Variants in CIITA observed in about 807,000 individuals in gnomAD.
CIITA encodes the protein class II major histocompatibility complex transactivator.
CIITA carries 72 observed loss-of-function variants against 115.1 expected under a neutral mutation model. The observed-to-expected ratio is 0.63, with a 90% CI of 0.52 to 0.76. The LOEUF is 0.76. Ranked by LOEUF, CIITA falls within the 30% of genes least tolerant of loss-of-function variation. The probability of loss-of-function intolerance (pLI) is 0.00; values close to 1 mark genes in which losing one functional copy is unlikely to be tolerated. For synonymous variants in CIITA, 763 were observed against 635.6 expected (o/e 1.20, Z -3.02); for missense variants, 1,617 against 1,463.8 (o/e 1.10, Z -1.71).
In CIITA at chr16:10,941,744, C is replaced by T; in HGVS notation, n.870C>T. On this transcript the variant is annotated non_coding_transcript_exon_variant, in exon 2 of 2. Coordinates refer to the CIITA transcript ENST00000573379. This position sits in a 1 kb window ranked among gnomAD's most constrained non-coding sequence, Gnocchi z 6.4. ...TACTCCAAGTACGCATCAAAGACGT[C>T]GAGCTCCGAGTCAGCATCGTAAAGG... The T allele has an allele frequency of 1.2e-6, 2 of 1,611,532 alleles. No individual in the cohort carries two copies. Among genetic ancestry groups the T allele is most frequent in the South Asian group, 2.2e-5 (2 of 90,790 alleles).
At chr16:10,877,063 T>G (rs549806205), upstream of CIITA, 22 of 587,406 alleles carry the variant, frequency 3.7e-5, no homozygotes, top group Middle Eastern at 4.6e-4. Context: ...CTTAAGGGAG[T>G]GTGGTAAAAT....
chr16:10,866,352 C>G (rs1224387888), intron 1 of CIITA: 5 of 568,742 alleles, frequency 8.8e-6, no homozygotes, highest in East Asian at 3.8e-5. Context: ...ATCAGCCCAG[C>G]CTGGTGCAGG....
intron 1 of CIITA, among the ~76,000 whole-genome samples, chr16:10,890,079 T>G (rs1050989046): frequency 6.6e-6 from 1 of 152,092 alleles, no homozygotes; most frequent in Non-Finnish European, 1.5e-5. Flanking sequence ...AGGAAGTGCT[T>G]AAGGTGCAGG....
Position 10,924,124 on chromosome 16 carries a change from C to G in CIITA, c.*269C>G, listed in dbSNP as rs45564631. 1.3e-5 allele frequency: 2 copies of G among 152,432 alleles called. No homozygotes were observed. Among genetic ancestry groups the G allele is most frequent in the Non-Finnish European group, 2.9e-5 (2 of 68,190 alleles). The allele number at this position is 152,432 out of a possible 1,614,324, so 9.4% of individuals were successfully genotyped here. A position where few individuals can be genotyped will look rare whatever the true frequency, so the allele number is the denominator to read the frequency against. On this transcript the variant is annotated 3_prime_UTR_variant, in exon 20 of 20. Coordinates refer to ENST00000324288, the MANE Select transcript of CIITA (RefSeq NM_000246.4). ...GTGGCAGCTGCGGTCCACCCAGGAG[C>G]CCCGAGGCCTTCTCTGAAGGACATT...
chr16:10,924,618 C>G lies in CIITA; in HGVS notation c.*763C>G, dbSNP rs747134349. 1.3e-5 allele frequency: 2 copies of G among 152,230 alleles called. No homozygotes were observed. Among genetic ancestry groups the G allele is most frequent in the Non-Finnish European group, 2.9e-5 (2 of 68,054 alleles). The allele number at this position is 152,230 out of a possible 1,614,324, so 9.4% of individuals were successfully genotyped here. On this transcript the variant is annotated 3_prime_UTR_variant, in exon 20 of 20. Coordinates refer to ENST00000324288, the MANE Select transcript of CIITA (RefSeq NM_000246.4). ...CACTCAGAAGACACTGATGGGCAAC[C>G]CCCAGCCTGCTAATTCCCCAGATTG...
intron 7 of CIITA, 114 bp downstream of exon 7, chr16:10,902,298 C>T: frequency 7.1e-7 from 1 of 1,417,990 alleles, no homozygotes; most frequent in Admixed American, 1.9e-5. Context: ...CCAACCCTAT[C>T]AGTGTCACTC....
chr16:10,915,081 C>G (rs1009075553), intron 13 of CIITA: 2 of 454,790 alleles, frequency 4.4e-6, no homozygotes, highest in African/African-American at 4.0e-5. Flanking sequence ...GAGACAGGGT[C>G]TCGCTCTTAC....
At chr16:10,899,410 AC>A (rs76765118) in intron 5 of CIITA, among the ~76,000 whole-genome samples, 83,553 of 151,988 alleles carry the variant, frequency 0.55, 26,842 homozygotes, top group Non-Finnish European at 0.73. Flanking sequence ...TGTTGGCTAA[AC>A]TGTCACCTCT....
At chr16:10,937,723 C>T (rs1012232719), downstream of CIITA, 1 of 152,278 alleles carries the variant, frequency 6.6e-6, no homozygotes, top group Non-Finnish European at 1.5e-5. This position sits in a 1 kb window ranked among gnomAD's most constrained non-coding sequence, Gnocchi z 4.2. Context: ...GACGTGAAGA[C>T]TCTCCCTGGC....
Position 10,877,205 on chromosome 16 carries a change from G to A in CIITA, c.-126G>A. 2 of 798,108 alleles carry A rather than the reference G, an allele frequency of 2.5e-6. No homozygotes were observed. Among genetic ancestry groups the A allele is most frequent in the South Asian group, 2.9e-5 (2 of 68,810 alleles). The allele number at this position is 798,108 out of a possible 1,614,324, so 49.4% of individuals were successfully genotyped here. ...GGCTCCCAACTGGTGACTGGTTAGTGATGAGGCTAGTGATGAGGCTGTGTG... is the reference window on the plus strand; with the variant it reads ...GGCTCCCAACTGGTGACTGGTTAGTAATGAGGCTAGTGATGAGGCTGTGTG... On this transcript the variant is annotated 5_prime_UTR_variant, in exon 1 of 20. Transcript: ENST00000324288.
At chr16:10,902,513 C>T in intron 7 of CIITA, 145 bp from the exon 8 acceptor site, 1 of 1,011,516 alleles carries the variant, frequency 9.9e-7, no homozygotes, top group South Asian at 1.4e-5. Flanking sequence ...GCTAAGAATT[C>T]CATCAGGGCA....
chr16:10,890,268 C>T (rs1430081519), intron 1 of CIITA, among the ~76,000 whole-genome samples: 3 of 150,588 alleles, frequency 2.0e-5, no homozygotes, highest in Non-Finnish European at 4.4e-5. Flanking sequence ...ATCCAAGCTG[C>T]CCTGCTGGCT....
At chr16:10,895,047 T>C (rs1294513218) in intron 1 of CIITA, among the ~76,000 whole-genome samples, 1 of 152,186 alleles carries the variant, frequency 6.6e-6, no homozygotes, top group African/African-American at 2.4e-5. Flanking sequence ...GAATCCACAC[T>C]TTCCAGTTCC....
chr16:10,914,458 A>G (rs1171818872), intron 13 of CIITA, among the ~76,000 whole-genome samples: 1 of 152,206 alleles, frequency 6.6e-6, no homozygotes, highest in South Asian at 2.1e-4. Context: ...TGCTCATTCA[A>G]ACAAACAAAT....
upstream of CIITA, chr16:10,866,218 G>A: frequency 2.3e-6 from 1 of 442,808 alleles, no homozygotes; most frequent in Non-Finnish European, 4.4e-6. Context: ...TTCATGTTTT[G>A]GATGCTGCAT....
downstream of CIITA, chr16:10,941,135 C>T (rs1253912036): frequency 6.5e-6 from 1 of 153,010 alleles, no homozygotes; most frequent in South Asian, 2.1e-4. The surrounding 1 kb of genome is among the most constrained non-coding windows in gnomAD (Gnocchi z 6.4). Context: ...AAAGGTGATT[C>T]GTGCCTGGCT....
At chr16:10,873,849 C>T (rs1427827233), upstream of CIITA, among the ~76,000 whole-genome samples, 3 of 152,162 alleles carry the variant, frequency 2.0e-5, no homozygotes, top group African/African-American at 7.2e-5. Context: ...GCTTCAGCAG[C>T]ACCTCTCCTG....
intron 15 of CIITA, 86 bp downstream of exon 15, chr16:10,916,545 T>G: frequency 8.4e-7 from 1 of 1,187,128 alleles, no homozygotes; most frequent in Non-Finnish European, 1.2e-6. Context: ...ATTTGTTTTT[T>G]TAGACAAGGG....
chr16:10,887,372 A>C (rs2037061985), intron 1 of CIITA, among the ~76,000 whole-genome samples: 1 of 152,300 alleles, frequency 6.6e-6, no homozygotes, highest in South Asian at 2.1e-4. Context: ...AAGGTAATGT[A>C]CTCAGGATCA....
Sources: gnomAD v4.1 joint callset for allele counts (sites outside exome capture counted in the v4.1 genomes callset) on GRCh38, gnomAD v4.1.1 for gene constraint, Gnocchi (gnomAD v3.1) non-coding constraint, MANE v1.5 for transcripts, NCBI Gene and HGNC (gene_info 2026-07-23, HGNC 2026-07-21) for gene names.